DENND4C: variants seen among roughly 807,000 people sequenced by gnomAD.
The protein encoded by DENND4C is DENN domain containing 4C, also known as DENN domain-containing protein 4C.
In DENND4C, 108 loss-of-function variants were observed where a neutral mutation model predicts 203.0. That is an observed-to-expected ratio of 0.53 (90% confidence interval 0.46 to 0.62). The LOEUF is 0.62. Ranked by LOEUF, DENND4C falls within the 20% of genes least tolerant of loss-of-function variation. The pLI, the probability that DENND4C is intolerant of heterozygous loss-of-function variation, is 0.00. For missense variants in DENND4C, 2,481 were observed against 2,301.2 expected, an observed-to-expected ratio of 1.08 and a Z score of -1.60; for synonymous variants, 871 against 792.4, an observed-to-expected ratio of 1.10 and a Z score of -1.67.
chr9:19,273,700 C>G (rs970750660), intron 1 of DENND4C, among the ~76,000 whole-genome samples: 5 of 151,834 alleles, frequency 3.3e-5, no homozygotes, highest in African/African-American at 1.2e-4. Context: ...ATAGTAATTG[C>G]AAATTAAAAC....
rs772052612 is a variant in DENND4C, at chr9:19,347,059, G to A, written c.4290G>A (p.Ala1430=). 8 of 1,613,818 alleles carry A rather than the reference G, an allele frequency of 5.0e-6. No homozygotes were observed. The highest frequency in any genetic ancestry group is 2.2e-5 in the East Asian group (1 of 44,900). Reference sequence around the variant, plus strand: ...CCAGTAAGATGTGGGTAGCTGTTGCGTCTGCCTACAGCTACTCAGATGATG... The same window carrying A: ...CCAGTAAGATGTGGGTAGCTGTTGCATCTGCCTACAGCTACTCAGATGATG... ...TVASKMWVAV[A]SAYSYSDDEE... is the part of the protein sequence containing the mutation. The change falls in exon 23 of 33, where the codon GCG becomes GCA. Residue 1430 remains alanine, a synonymous_variant. Transcript: ENST00000434457.
intron 10 of DENND4C, among the ~76,000 whole-genome samples, chr9:19,307,056 T>A (rs1839825160): frequency 6.6e-6 from 1 of 152,034 alleles, no homozygotes; most frequent in Non-Finnish European, 1.5e-5. Context: ...AGTGCTGGGA[T>A]TACAGGCATG....
chr9:19,355,427 T>G (rs1825179050), intron 26 of DENND4C, among the ~76,000 whole-genome samples: 1 of 152,336 alleles, frequency 6.6e-6, no homozygotes, highest in Non-Finnish European at 1.5e-5. Flanking sequence ...ACTTTTGATG[T>G]TTAGGTCTTT....
intron 9 of DENND4C, among the ~76,000 whole-genome samples, chr9:19,304,567 C>G (rs927652898): frequency 6.1e-5 from 9 of 146,384 alleles, no homozygotes; most frequent in Non-Finnish European, 1.4e-4. Context: ...GACCGAGTCT[C>G]ACTCTGTCAC....
intron 29 of DENND4C, 58 bp from the exon 30 acceptor site, chr9:19,361,788 A>C: frequency 1.9e-5 from 19 of 1,021,644 alleles, no homozygotes; most frequent in South Asian, 5.4e-5. Flanking sequence ...AAGCTTCACT[A>C]GATCTACTGG....
At chr9:19,314,958 T>A (rs1345010176) in intron 10 of DENND4C, among the ~76,000 whole-genome samples, 1 of 151,724 alleles carries the variant, frequency 6.6e-6, no homozygotes, top group Non-Finnish European at 1.5e-5. Context: ...GGTCAGGAGT[T>A]TGAGACCAGC....
intron 2 of DENND4C, among the ~76,000 whole-genome samples, chr9:19,281,999 G>C (rs965554428): frequency 6.6e-6 from 1 of 152,188 alleles, no homozygotes; most frequent in Non-Finnish European, 1.5e-5. Flanking sequence ...GTGAGTCAGT[G>C]AGTGAGTGTT....
Position 19,369,877 on chromosome 9 carries a change from A to G in DENND4C, c.5565A>G (p.Gln1855=). ...KKSSLLSEEQ[Q]ETSTLVETIR... ...CATCTCTCCTGTCAGAGGAACAACA[A>G]GAAACAAGCACTTTAGTAGAAACCA... The change falls in exon 31 of 33, where the codon CAA becomes CAG. Residue 1855 remains glutamine (Q), a synonymous_variant. Transcript: ENST00000434457. 6.2e-7 allele frequency: 1 copy of G among 1,611,846 alleles called. No individual in the cohort carries two copies. The highest frequency in any genetic ancestry group is 8.5e-7 in the Non-Finnish European group (1 of 1,179,218).
intron 15 of DENND4C, 50 bp downstream of exon 15, chr9:19,326,244 T>C (rs1299125125): frequency 6.5e-7 from 1 of 1,546,744 alleles, no homozygotes. Flanking sequence ...TCAGTTTCTT[T>C]TAATTTTTAT....
At chr9:19,241,429 C>T (rs1823688775) in intron 1 of DENND4C, among the ~76,000 whole-genome samples, 1 of 151,760 alleles carries the variant, frequency 6.6e-6, no homozygotes, top group Non-Finnish European at 1.5e-5. Flanking sequence ...CTTAGGCTGG[C>T]CTCCAACTCC....
chr9:19,348,722 C>T (rs1823443871), intron 23 of DENND4C, among the ~76,000 whole-genome samples: 3 of 151,642 alleles, frequency 2.0e-5, no homozygotes, highest in East Asian at 3.9e-4. Context: ...AAAGAGCTTA[C>T]GAGGTCAGTC....
chr9:19,310,712 G>A (rs1172878229), intron 10 of DENND4C, among the ~76,000 whole-genome samples: 1 of 152,008 alleles, frequency 6.6e-6, no homozygotes, highest in Non-Finnish European at 1.5e-5. Flanking sequence ...GTTGATAAGC[G>A]TTGATGATTG....
intron 1 of DENND4C, among the ~76,000 whole-genome samples, chr9:19,247,201 C>G (rs1237855785): frequency 1.3e-5 from 2 of 152,198 alleles, no homozygotes; most frequent in African/African-American, 4.8e-5. Context: ...TCTAGCTTCT[C>G]TTTCCTCACC....
chr9:19,240,406 A>G (rs1823377920), intron 1 of DENND4C, among the ~76,000 whole-genome samples: 1 of 152,178 alleles, frequency 6.6e-6, no homozygotes, highest in South Asian at 2.1e-4. Flanking sequence ...AGTGGCTCAC[A>G]CTTGTAATCC....
intron 5 of DENND4C, among the ~76,000 whole-genome samples, chr9:19,295,334 T>A (rs1330640398): frequency 1.3e-5 from 2 of 152,132 alleles, no homozygotes; most frequent in African/African-American, 4.8e-5. Context: ...TGAAACCCTG[T>A]CTCTACTAAA....
intron 1 of DENND4C, among the ~76,000 whole-genome samples, chr9:19,256,204 A>G (rs1404859979): frequency 6.6e-6 from 1 of 152,116 alleles, no homozygotes; most frequent in Non-Finnish European, 1.5e-5. Flanking sequence ...GAAATCAGTA[A>G]CAGAAAGATT....
At chr9:19,254,686 T>G (rs1827493417) in intron 1 of DENND4C, among the ~76,000 whole-genome samples, 2 of 152,192 alleles carry the variant, frequency 1.3e-5, no homozygotes, top group Admixed American at 6.5e-5. Flanking sequence ...GAGCAAATTG[T>G]AAGTGACCCA....
intron 1 of DENND4C, among the ~76,000 whole-genome samples, chr9:19,244,519 G>C (rs1319215230): frequency 6.6e-6 from 1 of 150,938 alleles, no homozygotes; most frequent in African/African-American, 2.4e-5. Context: ...GGCGGGAGGA[G>C]CATGAGGTCA....
At chr9:19,353,833 G>A (rs558414948) in intron 26 of DENND4C, among the ~76,000 whole-genome samples, 1 of 152,268 alleles carries the variant, frequency 6.6e-6, no homozygotes, top group South Asian at 2.1e-4. Flanking sequence ...GCAACCAGGA[G>A]GCTGAGGCAG....
Sources: gnomAD v4.1 joint callset for allele counts (sites outside exome capture counted in the v4.1 genomes callset) on GRCh38, gnomAD v4.1.1 for gene constraint, MANE v1.5 for transcripts, NCBI Gene and HGNC (gene_info 2026-07-23, HGNC 2026-07-21) for gene names.